Variants in CFAP300 observed in about 807,000 individuals in gnomAD.
CFAP300 encodes cilia and flagella associated protein 300, also known as cilia- and flagella-associated protein 300.
Under a neutral mutation model 33.0 loss-of-function variants are expected in CFAP300, and 32 were observed. That is an observed-to-expected ratio of 0.97 (90% CI 0.73 to 1.30). The LOEUF is 1.30. CFAP300 is among the 50% of genes most tolerant of loss of function. The probability of loss-of-function intolerance (pLI) is 0.00; values close to 1 mark genes in which losing one functional copy is unlikely to be tolerated. For missense variants in CFAP300, 356 were observed against 318.1 expected, an observed-to-expected ratio of 1.12 and a Z score of -0.90; for synonymous variants, 102 against 106.8, an observed-to-expected ratio of 0.95 and a Z score of 0.28.
chr11:102,068,421 A>C (rs1022270662), intron 4 of CFAP300, among the ~76,000 whole-genome samples: 1 of 152,234 alleles, frequency 6.6e-6, no homozygotes, highest in Admixed American at 6.5e-5. Context: ...ATACCCAAAT[A>C]CACACAATTG....
intron 2 of CFAP300, among the ~76,000 whole-genome samples, chr11:102,055,983 T>A (rs2135018183): frequency 6.6e-6 from 1 of 152,284 alleles, no homozygotes. Context: ...ACTACCCTTT[T>A]TTAACTGAAA....
At chr11:102,075,099 C>T (rs1942376838) in intron 4 of CFAP300, among the ~76,000 whole-genome samples, 1 of 151,946 alleles carries the variant, frequency 6.6e-6, no homozygotes, top group Admixed American at 6.6e-5. Flanking sequence ...AGTGAGACTC[C>T]ATCTCTAAAA....
At chr11:102,079,962 A>T (rs1378905965) in intron 5 of CFAP300, among the ~76,000 whole-genome samples, 1 of 152,100 alleles carries the variant, frequency 6.6e-6, no homozygotes, top group Non-Finnish European at 1.5e-5. Flanking sequence ...GAGTTGTGTG[A>T]TCTTTAAATG....
chr11:102,068,727 C>T (rs1436036706), intron 4 of CFAP300, among the ~76,000 whole-genome samples: 2 of 152,098 alleles, frequency 1.3e-5, no homozygotes, highest in Non-Finnish European at 2.9e-5. Context: ...GCAGAGATTG[C>T]GGTGAGCTGA....
intron 2 of CFAP300, among the ~76,000 whole-genome samples, chr11:102,048,150 G>C (rs1941913203): frequency 6.6e-6 from 1 of 152,148 alleles, no homozygotes; most frequent in Non-Finnish European, 1.5e-5. Flanking sequence ...GAACTTTGCA[G>C]TTCTGGAAGA....
chr11:102,077,311 T>C (rs1591327148), intron 5 of CFAP300, among the ~76,000 whole-genome samples: 1 of 152,360 alleles, frequency 6.6e-6, no homozygotes, highest in Non-Finnish European at 1.5e-5. Flanking sequence ...TTCTCACCTG[T>C]GATTCTCTTC....
At chr11:102,051,439 G>A (rs193280696) in intron 2 of CFAP300, among the ~76,000 whole-genome samples, 4 of 152,094 alleles carry the variant, frequency 2.6e-5, no homozygotes, top group African/African-American at 9.7e-5. Flanking sequence ...CATGTGACCA[G>A]AATTTAGGCC....
chr11:102,065,088 A>AT (rs1037194369), intron 3 of CFAP300, among the ~76,000 whole-genome samples: 63 of 152,226 alleles, frequency 4.1e-4, no homozygotes, highest in African/African-American at 1.5e-3. Context: ...TATAAATGAG[A>AT]TCCCAAGGGA....
chr11:102,063,306 AC>A (rs1366182747), intron 3 of CFAP300, among the ~76,000 whole-genome samples: 1 of 152,196 alleles, frequency 6.6e-6, no homozygotes, highest in Admixed American at 6.5e-5. Flanking sequence ...CTTGCTTGAC[AC>A]CTGTCACCCC....
chr11:102,071,461 A>G (rs976459241), intron 4 of CFAP300, among the ~76,000 whole-genome samples: 14 of 152,116 alleles, frequency 9.2e-5, no homozygotes, highest in Non-Finnish European at 1.5e-4. Flanking sequence ...ATATGTGAGG[A>G]CATACTTCTG....
At chr11:102,067,328 A>C (rs1820428212) in intron 4 of CFAP300, among the ~76,000 whole-genome samples, 1 of 152,198 alleles carries the variant, frequency 6.6e-6, no homozygotes, top group African/African-American at 2.4e-5. Flanking sequence ...ACTGCACTCC[A>C]ACCTGGGCGA....
At chr11:102,058,562 C>T (rs953407790) in intron 2 of CFAP300, among the ~76,000 whole-genome samples, 34 of 147,922 alleles carry the variant, frequency 2.3e-4, no homozygotes, top group Non-Finnish European at 2.4e-4. Flanking sequence ...TCAGTTGTTA[C>T]GAAGGCAATT....
At position 102,064,742 on chromosome 11, in the gene CFAP300, A is replaced by G. The variant is rs150390349; in HGVS notation, c.269-1743A>G. 2.8e-3 allele frequency among the ~76,000 whole-genome samples: 431 copies of G among 152,276 alleles called. 6 individuals carry two copies. Among genetic ancestry groups the G allele is most frequent in the African/African-American group, 0.01 (419 of 41,548 alleles). ...TTAGAGCTTTGAACAAAAGAACACC[A>G]CCACTGTTCTATCAGAATGAGAGTG... On this transcript the variant is annotated intron_variant, in intron 3 of 6. Coordinates refer to ENST00000434758, the MANE Select transcript of CFAP300 (RefSeq NM_032930.3).
chr11:102,068,648 G>T (rs966512296), intron 4 of CFAP300, among the ~76,000 whole-genome samples: 1 of 152,154 alleles, frequency 6.6e-6, no homozygotes, highest in Admixed American at 6.5e-5. Context: ...TTAGCCAGGT[G>T]TGGTGGTGGG....
Position 102,058,871 on chromosome 11 carries a change from G to T in CFAP300, c.193-9G>T. 2.0e-6 allele frequency: 3 copies of T among 1,519,190 alleles called. No homozygotes were observed. The highest frequency in any genetic ancestry group is 2.7e-6 in the Non-Finnish European group (3 of 1,116,882). The allele number at this position is 1,519,190 out of a possible 1,614,324, so 94.1% of individuals were successfully genotyped here. A position where few individuals can be genotyped will look rare whatever the true frequency, so the allele number is the denominator to read the frequency against. ...TATCTAACTTATTCCCCTCAAATTT[G>T]TATTTTAGGCTTTTTTCAAAGACCC... On this transcript the variant is annotated splice_polypyrimidine_tract_variant and intron_variant, in intron 2 of 6. Transcript: ENST00000434758.
At chr11:102,054,126 T>C (rs1942013180) in intron 2 of CFAP300, among the ~76,000 whole-genome samples, 1 of 151,930 alleles carries the variant, frequency 6.6e-6, no homozygotes, top group Non-Finnish European at 1.5e-5. Flanking sequence ...GGAGGAAGAG[T>C]GGCCAGTTGT....
At chr11:102,070,836 C>T (rs1942303355) in intron 4 of CFAP300, among the ~76,000 whole-genome samples, 1 of 152,018 alleles carries the variant, frequency 6.6e-6, no homozygotes, top group African/African-American at 2.4e-5. Flanking sequence ...TGTTGGTTCT[C>T]ATGTATTTGT....
intron 2 of CFAP300, among the ~76,000 whole-genome samples, chr11:102,053,765 G>T (rs1942008527): frequency 6.6e-6 from 1 of 152,138 alleles, no homozygotes; most frequent in African/African-American, 2.4e-5. Flanking sequence ...ACTGCCCTTA[G>T]ATCAAAATAC....
chr11:102,078,420 T>C (rs1942429938), intron 5 of CFAP300, among the ~76,000 whole-genome samples: 1 of 152,236 alleles, frequency 6.6e-6, no homozygotes. Flanking sequence ...GAGTTAGTGA[T>C]GGATAAAGAT....
Sources: gnomAD v4.1 joint callset for allele counts (sites outside exome capture counted in the v4.1 genomes callset) on GRCh38, gnomAD v4.1.1 for gene constraint, MANE v1.5 for transcripts, NCBI Gene and HGNC (gene_info 2026-07-23, HGNC 2026-07-21) for gene names.